The following CTNNA2 variants were observed in gnomAD, a reference collection of about 807,000 sequenced individuals.
CTNNA2 encodes the protein catenin alpha-2.
CTNNA2 carries 42 observed loss-of-function variants against 101.0 expected under a neutral mutation model. The observed-to-expected ratio is 0.42, with a 90% confidence interval of 0.32 to 0.54. The LOEUF is 0.54. CTNNA2 is among the 20% of genes least tolerant of loss of function. The pLI is 0.14. For missense variants in CTNNA2, 871 were observed against 1,223.1 expected (o/e 0.71, Z 4.29); for synonymous variants, 450 against 456.4 (o/e 0.99, Z 0.18).
chr2:79,869,924 A>G lies in CTNNA2; in HGVS notation c.574A>G (p.Arg192Gly). The G allele has an allele frequency of 1.2e-6, 2 of 1,613,768 alleles. No homozygotes were observed. The highest frequency in any genetic ancestry group is 1.1e-5 in the South Asian group (1 of 91,014). The change falls in exon 5 of 19, where the codon AGA (arginine) becomes GGA (glycine). Residue 192 changes from arginine to glycine, a missense_variant. Transcript: ENST00000402739. Reference protein sequence around the residue: ...EMVKLNYVAARRQQELKDPHC... With the variant: ...EMVKLNYVAAGRQQELKDPHC... ...GGTGAAACTTAACTATGTAGCAGCA[A>G]GAAGACAACAGGTGGGAAAGATTTT...
intron 1 of CTNNA2, among the ~76,000 whole-genome samples, chr2:79,193,354 T>A (rs1022476355): frequency 6.6e-6 from 1 of 152,172 alleles, no homozygotes; most frequent in Non-Finnish European, 1.5e-5. Flanking sequence ...TTACTGTACC[T>A]TTTCTATGTT....
chr2:80,149,361 C>T (rs752513982), intron 7 of CTNNA2, among the ~76,000 whole-genome samples: 4 of 152,058 alleles, frequency 2.6e-5, no homozygotes, highest in African/African-American at 7.2e-5. Flanking sequence ...TCTGTAGAAA[C>T]GCTACCTCTA....
At chr2:79,910,696 C>T (rs1377824527) in intron 7 of CTNNA2, among the ~76,000 whole-genome samples, 1 of 152,164 alleles carries the variant, frequency 6.6e-6, no homozygotes, top group Middle Eastern at 3.2e-3. Flanking sequence ...AACAGAGACA[C>T]TGAAAATCTG....
chr2:79,909,712 G>C lies in CTNNA2; in HGVS notation c.971G>C (p.Arg324Pro). Residue 324 changes from arginine (R) to proline (P), a missense_variant, in exon 7 of 19, where the codon CGA becomes CCA. Around this residue, in one of 5 missense-constraint regions of CTNNA2, gnomAD observed 647 missense variants for 831.5 expected, o/e 0.78. Transcript: ENST00000402739. The stretch of plus-strand genomic sequence containing the variant: ...CTGATGGCCGACTCCTCCTGCACGC[G>C]AGACGACCGGCGCGAGAGGATCGTG... ...AALMADSSCTRDDRRERIVAE... is the reference protein window; with the variant it reads ...AALMADSSCTPDDRRERIVAE... 6.2e-7 allele frequency: 1 copy of C among 1,613,960 alleles called. No individual in the cohort carries two copies. The highest frequency in any genetic ancestry group is 8.5e-7 in the Non-Finnish European group (1 of 1,179,926).
intron 2 of CTNNA2, among the ~76,000 whole-genome samples, chr2:79,704,779 T>C (rs1430586964): frequency 6.6e-6 from 1 of 151,918 alleles, no homozygotes; most frequent in Non-Finnish European, 1.5e-5. Context: ...TCCCAAAGTG[T>C]TCACTTGTGC....
intron 4 of CTNNA2, among the ~76,000 whole-genome samples, chr2:79,418,761 T>C (rs1328203868): frequency 6.6e-6 from 1 of 152,084 alleles, no homozygotes; most frequent in Admixed American, 6.6e-5. Flanking sequence ...TGATGTGAGG[T>C]TCTGCTAGCA....
At chr2:79,566,934 A>T in intron 1 of CTNNA2, among the ~76,000 whole-genome samples, 1 of 152,200 alleles carries the variant, frequency 6.6e-6, no homozygotes, top group East Asian at 1.9e-4. Context: ...GATTTAATCA[A>T]TGAAACTCAT....
chr2:79,675,748 C>T (rs984556344), intron 2 of CTNNA2, among the ~76,000 whole-genome samples: 3 of 152,084 alleles, frequency 2.0e-5, no homozygotes, highest in Admixed American at 6.5e-5. Context: ...GAACAGTGCT[C>T]GGCATGTAGT....
chr2:80,390,752 C>T (rs1053617937), intron 7 of CTNNA2, among the ~76,000 whole-genome samples: 8 of 152,166 alleles, frequency 5.3e-5, no homozygotes, highest in Non-Finnish European at 1.2e-4. Context: ...CTACCCTAAT[C>T]CTAGCCCTAT....
chr2:79,554,842 T>A (rs1674345090), intron 1 of CTNNA2, among the ~76,000 whole-genome samples: 2 of 152,210 alleles, frequency 1.3e-5, no homozygotes, highest in African/African-American at 4.8e-5. Context: ...TTGTTTTCTT[T>A]CTTTGTGAAT....
chr2:79,948,078 C>T (rs1424929034), intron 7 of CTNNA2, among the ~76,000 whole-genome samples: 1 of 152,200 alleles, frequency 6.6e-6, no homozygotes, highest in African/African-American at 2.4e-5. Context: ...CTTATGCACA[C>T]TAGCAGCTCA....
chr2:79,633,383 C>T (rs1283861022), intron 1 of CTNNA2, among the ~76,000 whole-genome samples: 1 of 152,142 alleles, frequency 6.6e-6, no homozygotes, highest in Non-Finnish European at 1.5e-5. Flanking sequence ...GAGTTGCTAT[C>T]ACATCTTGTT....
At chr2:80,460,404 C>T (rs1432453212) in intron 9 of CTNNA2, among the ~76,000 whole-genome samples, 1 of 151,984 alleles carries the variant, frequency 6.6e-6, no homozygotes, top group Non-Finnish European at 1.5e-5. Flanking sequence ...ACAAAGAATC[C>T]TGAAGAAAAA....
intron 1 of CTNNA2, 56 bp from the exon 2 acceptor site, chr2:79,651,496 A>C: frequency 6.6e-7 from 1 of 1,518,780 alleles, no homozygotes. Context: ...GAATCACCAA[A>C]GTTACAATTT....
intron 2 of CTNNA2, among the ~76,000 whole-genome samples, chr2:79,695,044 T>C (rs1309477991): frequency 6.6e-6 from 1 of 151,448 alleles, no homozygotes; most frequent in East Asian, 1.9e-4. Flanking sequence ...TTTTGGGGTA[T>C]TATGTGAAAA....
At chr2:79,390,568 C>T (rs977194383) in intron 4 of CTNNA2, among the ~76,000 whole-genome samples, 12 of 152,172 alleles carry the variant, frequency 7.9e-5, no homozygotes, top group African/African-American at 2.9e-4. Context: ...TCACACACAG[C>T]TTGATGTGGC....
At chr2:80,094,023 T>G (rs1382374007) in intron 7 of CTNNA2, among the ~76,000 whole-genome samples, 32 of 152,116 alleles carry the variant, frequency 2.1e-4, no homozygotes, top group East Asian at 1.5e-3. Flanking sequence ...GATCCCATTT[T>G]TCAATTTTGG....
chr2:79,550,240 G>A (rs1432971691), intron 1 of CTNNA2, among the ~76,000 whole-genome samples: 1 of 152,154 alleles, frequency 6.6e-6, no homozygotes, highest in African/African-American at 2.4e-5. Flanking sequence ...TTCTGGAGAC[G>A]AAATGATTCT....
chr2:79,383,341 A>C (rs1158155643), intron 4 of CTNNA2, among the ~76,000 whole-genome samples: 5 of 152,230 alleles, frequency 3.3e-5, no homozygotes, highest in Non-Finnish European at 5.9e-5. Flanking sequence ...AACATAATTA[A>C]ATGGAGAGAC....
Sources: gnomAD v4.1 joint callset for allele counts (sites outside exome capture counted in the v4.1 genomes callset) on GRCh38, gnomAD v4.1.1 for gene constraint, gnomAD v4.1.1 regional missense constraint, MANE v1.5 for transcripts, NCBI Gene and HGNC (gene_info 2026-07-23, HGNC 2026-07-21) for gene names.